SPOCK3: variants seen among roughly 807,000 people sequenced by gnomAD.
SPOCK3 encodes the protein SPARC (osteonectin), cwcv and kazal like domains proteoglycan 3.
Under a neutral mutation model 56.6 loss-of-function variants are expected in SPOCK3, and 30 were observed. That is an observed-to-expected ratio of 0.53 (90% confidence interval 0.40 to 0.72). The LOEUF (loss-of-function observed/expected upper bound fraction) is 0.72. Ranked by LOEUF, SPOCK3 falls within the 30% of genes least tolerant of loss-of-function variation. The pLI, the probability that SPOCK3 is intolerant of heterozygous loss-of-function variation, is 0.00. For synonymous variants in SPOCK3, 196 were observed against 183.3 expected, an observed-to-expected ratio of 1.07 and a Z score of -0.56; for missense variants, 527 against 530.0, an observed-to-expected ratio of 0.99 and a Z score of 0.06.
chr4:167,151,023 T>G (rs1764369587), intron 2 of SPOCK3, among the ~76,000 whole-genome samples: 1 of 152,208 alleles, frequency 6.6e-6, no homozygotes, highest in South Asian at 2.1e-4. Context: ...ATATTGCATC[T>G]GAGCCCATCA....
At chr4:166,808,145 AG>A (rs1366435384) in intron 6 of SPOCK3, among the ~76,000 whole-genome samples, 1 of 152,142 alleles carries the variant, frequency 6.6e-6, no homozygotes, top group Non-Finnish European at 1.5e-5. Flanking sequence ...GAGCATTGTT[AG>A]ATGTGAAATT....
At position 167,060,530 on chromosome 4, in the gene SPOCK3, T is replaced by C. The variant is rs187928867; in HGVS notation, c.235+1962A>G. Among the ~76,000 whole-genome samples, 423 of 152,202 alleles carry C rather than the reference T, an allele frequency of 2.8e-3. 3 individuals are homozygous for C. The highest frequency in any genetic ancestry group is 2.9e-3 in the Admixed American group (44 of 15,276). The stretch of plus-strand genomic sequence containing the variant: ...CAAATACACATATCTCAATCTAATT[T>C]TTGTTCGATTTTTATTTTTTTGATA... On this transcript the variant is annotated intron_variant, in intron 3 of 10. Coordinates refer to ENST00000357545, the MANE Select transcript of SPOCK3 (RefSeq NM_001040159.2).
intron 4 of SPOCK3, among the ~76,000 whole-genome samples, chr4:166,946,569 T>G (rs1225882004): frequency 1.3e-5 from 2 of 152,200 alleles, no homozygotes; most frequent in Admixed American, 1.3e-4. Context: ...CTTCAAATCT[T>G]GGCTTAACTA....
intron 2 of SPOCK3, among the ~76,000 whole-genome samples, chr4:167,132,495 A>T (rs1394944925): frequency 6.6e-6 from 1 of 152,220 alleles, no homozygotes; most frequent in East Asian, 1.9e-4. Flanking sequence ...ATCAAAAGTT[A>T]TTTATTTTAA....
At chr4:167,106,125 T>C (rs1201551798) in intron 2 of SPOCK3, among the ~76,000 whole-genome samples, 1 of 151,936 alleles carries the variant, frequency 6.6e-6, no homozygotes, top group African/African-American at 2.4e-5. Flanking sequence ...ATATAACCAA[T>C]GACCTTTATA....
At chr4:166,780,000 T>G (rs1418038459) in intron 7 of SPOCK3, among the ~76,000 whole-genome samples, 1 of 152,148 alleles carries the variant, frequency 6.6e-6, no homozygotes. Flanking sequence ...TAATCTCCAT[T>G]CATGAAAATA....
At chr4:167,058,927 C>T (rs1016944557) in intron 3 of SPOCK3, among the ~76,000 whole-genome samples, 1 of 152,152 alleles carries the variant, frequency 6.6e-6, no homozygotes, top group African/African-American at 2.4e-5. Flanking sequence ...ATAAATGGTG[C>T]TGGGAAAACT....
chr4:166,768,284 C>T (rs950229623), intron 7 of SPOCK3, among the ~76,000 whole-genome samples: 24 of 152,246 alleles, frequency 1.6e-4, no homozygotes, highest in African/African-American at 5.1e-4. Context: ...TTCCTAGCCT[C>T]GATGGTCTTT....
At chr4:166,947,052 C>A (rs140446632) in intron 4 of SPOCK3, among the ~76,000 whole-genome samples, 125 of 152,180 alleles carry the variant, frequency 8.2e-4, no homozygotes, top group Admixed American at 2.6e-3. Context: ...CTGATACCCT[C>A]CCATAACGAC....
intron 6 of SPOCK3, among the ~76,000 whole-genome samples, chr4:166,835,766 G>A (rs1335757932): frequency 2.0e-5 from 3 of 152,144 alleles, no homozygotes; most frequent in Admixed American, 6.6e-5. Flanking sequence ...TTGGGAAGCC[G>A]AGGTGGGCGG....
At chr4:167,111,073 GTTAT>G (rs1377814370) in intron 2 of SPOCK3, among the ~76,000 whole-genome samples, 2 of 151,770 alleles carry the variant, frequency 1.3e-5, no homozygotes, top group Admixed American at 1.3e-4. Flanking sequence ...TAATTGATGT[GTTAT>G]TTATTTTCCC....
chr4:166,992,655 C>A lies in SPOCK3; in HGVS notation c.350+7694G>T, dbSNP rs138864426. On this transcript the variant is annotated intron_variant, in intron 4 of 10. Coordinates refer to ENST00000357545, the MANE Select transcript of SPOCK3 (RefSeq NM_001040159.2). ...AACCTGAGCATTTTAATCTTCATCTCTTAAGGATATTTGATTAAGAGATAT... is the reference window on the plus strand; with the variant it reads ...AACCTGAGCATTTTAATCTTCATCTATTAAGGATATTTGATTAAGAGATAT... 8.5e-5 allele frequency among the ~76,000 whole-genome samples: 13 copies of A among 152,246 alleles called. No homozygotes were observed. The East Asian group carries it at 2.5e-3, about 29-fold the overall frequency.
At chr4:166,745,769 G>C (rs1207672781) in intron 8 of SPOCK3, among the ~76,000 whole-genome samples, 1 of 152,120 alleles carries the variant, frequency 6.6e-6, no homozygotes, top group Non-Finnish European at 1.5e-5. Context: ...ACACACATAG[G>C]CTCAAAATAA....
intron 6 of SPOCK3, among the ~76,000 whole-genome samples, chr4:166,822,817 A>G (rs1447078358): frequency 6.6e-6 from 1 of 152,062 alleles, no homozygotes; most frequent in Non-Finnish European, 1.5e-5. Context: ...GAAAGTACAG[A>G]TGTTAAGGAT....
intron 7 of SPOCK3, among the ~76,000 whole-genome samples, chr4:166,787,660 T>A (rs943228765): frequency 6.6e-6 from 1 of 152,168 alleles, no homozygotes; most frequent in Non-Finnish European, 1.5e-5. Context: ...ATAGGGTTAC[T>A]AAGAATAACT....
intron 6 of SPOCK3, among the ~76,000 whole-genome samples, chr4:166,851,160 C>A (rs1486523836): frequency 1.3e-5 from 2 of 152,192 alleles, no homozygotes; most frequent in African/African-American, 2.4e-5. Context: ...GTCCCTAACC[C>A]CTGACCCCCG....
chr4:166,846,765 G>C (rs1022584476), intron 6 of SPOCK3, among the ~76,000 whole-genome samples: 1 of 151,910 alleles, frequency 6.6e-6, no homozygotes, highest in Admixed American at 6.6e-5. Context: ...CTGGTAATTT[G>C]CAAGGCAATT....
intron 4 of SPOCK3, among the ~76,000 whole-genome samples, chr4:166,985,955 A>G (rs1747111725): frequency 1.3e-5 from 2 of 152,308 alleles, no homozygotes; most frequent in South Asian, 4.1e-4. Context: ...AGAGTTTAAC[A>G]TATCTTTCCC....
At chr4:166,968,352 A>T (rs1177979210) in intron 4 of SPOCK3, among the ~76,000 whole-genome samples, 2 of 152,200 alleles carry the variant, frequency 1.3e-5, no homozygotes, top group Non-Finnish European at 2.9e-5. Flanking sequence ...TCTCCAGGGC[A>T]TTGCAGAGAC....
Sources: gnomAD v4.1 joint callset for allele counts (sites outside exome capture counted in the v4.1 genomes callset) on GRCh38, gnomAD v4.1.1 for gene constraint, MANE v1.5 for transcripts, NCBI Gene and HGNC (gene_info 2026-07-23, HGNC 2026-07-21) for gene names.